STON2: variants seen among roughly 807,000 people sequenced by gnomAD.
The protein encoded by STON2 is stonin-2.
STON2 carries 29 observed loss-of-function variants against 65.7 expected under a neutral mutation model. The observed-to-expected ratio is 0.44, with a 90% CI of 0.33 to 0.60. The LOEUF is 0.60. Ranked by LOEUF, STON2 falls within the 20% of genes least tolerant of loss-of-function variation. The probability of loss-of-function intolerance (pLI) is 0.03; values close to 1 mark genes in which losing one functional copy is unlikely to be tolerated. For synonymous variants in STON2, 404 were observed against 414.2 expected (o/e 0.98, Z 0.30); for missense variants, 1,054 against 1,118.1 (o/e 0.94, Z 0.82).
Position 81,264,504 on chromosome 14 carries a change from T to C in STON2, c.*3910A>G, listed in dbSNP as rs1894281445. On this transcript the variant is annotated 3_prime_UTR_variant, in exon 8 of 8. Coordinates refer to ENST00000614646, the MANE Select transcript of STON2 (RefSeq NM_001394390.1). ...CATTTAAGGTGGCTGAACCCTATTATATTCCAAGCTTTGTGCTAGGTGTTG... is the reference window on the plus strand; with the variant it reads ...CATTTAAGGTGGCTGAACCCTATTACATTCCAAGCTTTGTGCTAGGTGTTG... The C allele has an allele frequency of 1.7e-5, 17 of 985,344 alleles. No individual in the cohort carries two copies. Among genetic ancestry groups the C allele is most frequent in the Non-Finnish European group, 1.9e-5 (16 of 829,934 alleles). 61.0% of individuals were successfully genotyped at this position (985,344 alleles called of 1,614,324 possible). A position where few individuals can be genotyped will look rare whatever the true frequency, so the allele number is the denominator to read the frequency against.
chr14:81,352,533 C>G (rs1280246309), intron 4 of STON2, among the ~76,000 whole-genome samples: 1 of 152,130 alleles, frequency 6.6e-6, no homozygotes, highest in African/African-American at 2.4e-5. Context: ...ATACTCTCCC[C>G]TACAGGATTG....
At chr14:81,419,860 A>G (rs1403479637) in intron 2 of STON2, among the ~76,000 whole-genome samples, 3 of 152,136 alleles carry the variant, frequency 2.0e-5, no homozygotes, top group East Asian at 1.9e-4. Flanking sequence ...GAAAGCAAAC[A>G]TAAGACGGAG....
intron 5 of STON2, among the ~76,000 whole-genome samples, chr14:81,313,258 T>G (rs1281877913): frequency 6.6e-6 from 1 of 152,124 alleles, no homozygotes; most frequent in East Asian, 1.9e-4. Context: ...TTTTGGGTCT[T>G]AGAGGTAGAT....
Position 81,413,290 on chromosome 14 carries a change from A to G in STON2, c.-199+13812T>C, listed in dbSNP as rs1901260240. 31 of 1,397,662 alleles carry G rather than the reference A, an allele frequency of 2.2e-5. 7 individuals are homozygous for G. Among genetic ancestry groups the G allele is most frequent in the Non-Finnish European group, 2.8e-5 (30 of 1,059,420 alleles). The allele number at this position is 1,397,662 out of a possible 1,614,324, so 86.6% of individuals were successfully genotyped here. On this transcript the variant is annotated intron_variant, in intron 2 of 8. Coordinates refer to the STON2 transcript ENST00000553821. ...TGGTCCATCCAAAAACAAGGACTGCAGCCTAAATTCCAAATACCAGAGACT... is the reference window on the plus strand; with the variant it reads ...TGGTCCATCCAAAAACAAGGACTGCGGCCTAAATTCCAAATACCAGAGACT...
At position 81,342,440 on chromosome 14, in the gene STON2, T is replaced by C. The variant is rs1255490139; in HGVS notation, c.572-18253A>G. 5.3e-5 allele frequency among the ~76,000 whole-genome samples: 8 copies of C among 152,272 alleles called. No homozygotes were observed. The South Asian group carries it at 1.2e-3, about 24-fold the overall frequency. On this transcript the variant is annotated intron_variant, in intron 4 of 7. Transcript: ENST00000614646. Reference sequence around the variant, plus strand: ...GTGAGCCACTGCGCCCAGCCCATAATGGACTTTTGATTTCTCGGAATCCTT... The same window carrying C: ...GTGAGCCACTGCGCCCAGCCCATAACGGACTTTTGATTTCTCGGAATCCTT...
chr14:81,408,628 A>C (rs1205830507), intron 2 of STON2, among the ~76,000 whole-genome samples: 1 of 152,198 alleles, frequency 6.6e-6, no homozygotes, highest in Admixed American at 6.5e-5. Flanking sequence ...TGTATATCCC[A>C]AGGTTATAAT....
intron 3 of STON2, among the ~76,000 whole-genome samples, chr14:81,381,673 C>T (rs1454603887): frequency 6.6e-6 from 1 of 152,124 alleles, no homozygotes; most frequent in African/African-American, 2.4e-5. Context: ...TATGACAATC[C>T]TAAGTGCAGC....
At chr14:81,379,762 T>C (rs1371996958) in intron 3 of STON2, among the ~76,000 whole-genome samples, 1 of 152,188 alleles carries the variant, frequency 6.6e-6, no homozygotes, top group Non-Finnish European at 1.5e-5. Flanking sequence ...TTCTATTCAA[T>C]AAATGGTGTT....
In STON2 at chr14:81,412,949, C is replaced by T. The variant is rs1437402986; in HGVS notation, c.-199+14153G>A. On this transcript the variant is annotated intron_variant, in intron 2 of 8. Transcript: ENST00000553821. ...CCAGGAGACCGTTGCAGTCAGCCAG[C>T]CCCCTTCTCCATGGGTAACCATGTG... The T allele has an allele frequency of 3.5e-6, 3 of 853,096 alleles. 1 individual carries two copies. The highest frequency in any genetic ancestry group is 1.9e-5 in the Admixed American group (1 of 51,622). 52.8% of individuals were successfully genotyped at this position (853,096 alleles called of 1,614,324 possible).
At chr14:81,409,532 T>A (rs190765162) in intron 2 of STON2, among the ~76,000 whole-genome samples, 2 of 152,104 alleles carry the variant, frequency 1.3e-5, no homozygotes, top group African/African-American at 4.8e-5. Flanking sequence ...TTACAATTAG[T>A]ATATAGTTCC....
intron 6 of STON2, among the ~76,000 whole-genome samples, chr14:81,274,104 T>C (rs372363891): frequency 7.2e-5 from 11 of 152,284 alleles, no homozygotes; most frequent in African/African-American, 2.6e-4. Context: ...ACTTACATTC[T>C]GCCTGGAATT....
chr14:81,340,151 C>T (rs1269728411), intron 4 of STON2, among the ~76,000 whole-genome samples: 1 of 152,152 alleles, frequency 6.6e-6, no homozygotes, highest in Admixed American at 6.5e-5. Context: ...GAGACTCCGT[C>T]TCAAAATAAA....
At chr14:81,296,945 TCAGCCACCTGG>T in intron 5 of STON2, among the ~76,000 whole-genome samples, 1 of 152,342 alleles carries the variant, frequency 6.6e-6, no homozygotes, top group South Asian at 2.1e-4. Context: ...CATACCATCT[TCAGCCACCTGG>T]CAAAACTGAA....
intron 7 of STON2, chr14:81,269,216 G>A (rs913669729): frequency 1.6e-6 from 1 of 610,698 alleles, no homozygotes; most frequent in Non-Finnish European, 2.0e-6. Context: ...ATATTGGCCA[G>A]GCTGTTCTTG....
chr14:81,369,133 G>A (rs1276494945), intron 4 of STON2, among the ~76,000 whole-genome samples: 1 of 152,032 alleles, frequency 6.6e-6, no homozygotes, highest in Non-Finnish European at 1.5e-5. Context: ...AGCTCCTGTT[G>A]GGCAGTCCCT....
At position 81,260,858 on chromosome 14, in the gene STON2, A is replaced by AATGGATG. The variant is rs1424491076; in HGVS notation, c.*7549_*7555dup. 1 of 152,094 alleles carries AATGGATG rather than the reference A, an allele frequency of 6.6e-6. No individual in the cohort carries two copies. Among genetic ancestry groups the AATGGATG allele is most frequent in the Non-Finnish European group, 1.5e-5 (1 of 68,030 alleles). 9.4% of individuals were successfully genotyped at this position (152,094 alleles called of 1,614,324 possible). Reference sequence around the variant, plus strand: ...AGTGCAAGAGGTTACACTGAATGAGAATGGATGATGAATGATGGAAAATGT... The same window carrying AATGGATG: ...AGTGCAAGAGGTTACACTGAATGAGAATGGATGATGGATGATGAATGATGGAAAATGT... On this transcript the variant is annotated 3_prime_UTR_variant, in exon 8 of 8. Transcript: ENST00000614646.
chr14:81,268,884 G>A (rs955815446), intron 7 of STON2, among the ~76,000 whole-genome samples: 2 of 152,150 alleles, frequency 1.3e-5, no homozygotes, highest in Admixed American at 6.5e-5. Flanking sequence ...ACAAGACATG[G>A]GCAGGATCTT....
upstream of STON2, among the ~76,000 whole-genome samples, chr14:81,404,624 C>T (rs552018245): frequency 3.9e-5 from 6 of 152,246 alleles, no homozygotes; most frequent in Middle Eastern, 0.01. Flanking sequence ...CCACCTCAGC[C>T]TCCTGAGTAG....
intron 3 of STON2, among the ~76,000 whole-genome samples, chr14:81,379,576 T>C (rs1411174237): frequency 2.0e-5 from 3 of 152,120 alleles, no homozygotes; most frequent in African/African-American, 7.2e-5. Flanking sequence ...GCTAGAGACA[T>C]CACACTACCC....
Sources: gnomAD v4.1 joint callset for allele counts (sites outside exome capture counted in the v4.1 genomes callset) on GRCh38, gnomAD v4.1.1 for gene constraint, MANE v1.5 for transcripts, NCBI Gene and HGNC (gene_info 2026-07-23, HGNC 2026-07-21) for gene names.